USP24: variants seen among roughly 807,000 people sequenced by gnomAD.
USP24 encodes ubiquitin specific peptidase 24.
In USP24, 97 loss-of-function variants were observed where a neutral mutation model predicts 361.6. That is an observed-to-expected ratio of 0.27 (90% CI 0.23 to 0.32). The LOEUF (loss-of-function observed/expected upper bound fraction) is 0.32, where lower values mean the gene tolerates loss of function less well. Among genes scored for constraint, USP24 ranks in the 10% least tolerant of loss-of-function variants. The pLI, the probability that USP24 is intolerant of heterozygous loss-of-function variation, is 1.00. For synonymous variants in USP24, 1,098 were observed against 1,124.6 expected (o/e 0.98, Z 0.47); for missense variants, 2,353 against 3,165.6 (o/e 0.74, Z 6.16).
Position 55,075,661 on chromosome 1 carries a change from AACAACACCACCACC to A in USP24, c.7381-152_7381-139del, listed in dbSNP as rs1184507814. On this transcript the variant is annotated intron_variant, in intron 62 of 67. Coordinates refer to ENST00000294383, the MANE Select transcript of USP24 (RefSeq NM_015306.3). ...CAACAACAACAACAACAACAACAAC[AACAACACCACCACC>A]ACCAATACAGGACGGGCATGGTGGC... is the stretch of plus-strand genomic sequence containing the variant. The A allele has an allele frequency of 2.4e-3, 1,088 of 453,618 alleles. 16 individuals carry two copies. In the African/African-American group the frequency reaches 0.03, roughly 13 times the overall value. The allele number at this position is 453,618 out of a possible 1,614,324, so 28.1% of individuals were successfully genotyped here.
rs1244775812 is a variant in USP24 at position 55,098,361 on chromosome 1, C to A, written c.5453+115G>T. ...TTTAAGTCACTAAATACTTATAGAT[C>A]TGTTGACAGGGAGAGAGTTCTAAGT... On this transcript the variant is annotated intron_variant, in intron 46 of 67. Coordinates refer to ENST00000294383, the MANE Select transcript of USP24 (RefSeq NM_015306.3). 6 of 971,958 alleles carry A rather than the reference C, an allele frequency of 6.2e-6. No individual in the cohort carries two copies. In the African/African-American group the frequency reaches 9.9e-5, roughly 16 times the overall value. 60.2% of individuals were successfully genotyped at this position (971,958 alleles called of 1,614,324 possible).
In USP24 at chr1:55,083,380, G is replaced by A. The variant is rs533113237; in HGVS notation, c.6883-16C>T. 14 of 1,612,044 alleles carry A rather than the reference G, an allele frequency of 8.7e-6. No individual in the cohort carries two copies. In the East Asian group the frequency reaches 2.7e-4, roughly 31 times the overall value. On this transcript the variant is annotated splice_polypyrimidine_tract_variant and intron_variant, in intron 57 of 67. Coordinates refer to ENST00000294383, the MANE Select transcript of USP24 (RefSeq NM_015306.3). ...TAATTCCTTGCTGTCACAAGATATT[G>A]AGAATAACAAATTATATTTCTATCC... is the stretch of plus-strand genomic sequence containing the variant.
rs373696574 is a variant in USP24 at position 55,107,257 on chromosome 1, C to A, written c.4744G>T (p.Ala1582Ser). The A allele has an allele frequency of 5.6e-6, 9 of 1,609,948 alleles. No individual in the cohort carries two copies. In the African/African-American group the frequency reaches 1.1e-4, roughly 19 times the overall value. The change falls in exon 40 of 68, where the codon GCA becomes TCA. Residue 1582 changes from alanine (A) to serine (S), a missense_variant. Ala to Ser is a moderately conservative substitution (Grantham distance 99). This residue lies in a region of USP24 where 949 missense variants were observed against 1,280.5 expected (regional missense o/e 0.74). Coordinates refer to ENST00000294383, the MANE Select transcript of USP24 (RefSeq NM_015306.3). ...LIKTLLSLCG[A>S]EKEMLGSSLI... ...TAATTACCAAGCATTTCCTTTTCTGCCCCACAGAGTGAAAGAAGGGTCTTG... is the reference window on the plus strand; with the variant it reads ...TAATTACCAAGCATTTCCTTTTCTGACCCACAGAGTGAAAGAAGGGTCTTG...
chr1:55,108,967 G>T (rs1317466547), intron 39 of USP24, among the ~76,000 whole-genome samples: 1 of 152,172 alleles, frequency 6.6e-6, no homozygotes, highest in Admixed American at 6.5e-5. Flanking sequence ...CCACTGCATT[G>T]CTCAGAGCAA....
chr1:55,172,502 C>A lies in USP24; in HGVS notation c.577G>T (p.Val193Phe), dbSNP rs1480980029. Residue 193 changes from valine (V) to phenylalanine (F), a missense_variant, in exon 4 of 68, where the codon GTT (valine) becomes TTT (phenylalanine). Physicochemically the swap from Val to Phe is conservative, Grantham distance 50. Transcript: ENST00000294383. The part of the protein sequence containing the change: ...AFKKLLTSSA[V>F]HKWGTEIHEG... ...TGAATTTCAGTACCCCACTTGTGAA[C>A]AGCACTTGATGTCAGGAGCTATAAA... 1 of 1,612,734 alleles carries A rather than the reference C, an allele frequency of 6.2e-7. No homozygotes were observed. The highest frequency in any genetic ancestry group is 1.1e-5 in the South Asian group (1 of 90,872).
chr1:55,138,979 G>A lies in USP24; in HGVS notation c.2782C>T (p.Leu928=), dbSNP rs1392062048. ...STKLVIIERL[L]LLAERYVITI... ...ATCACATAGCGCTCTGCCAGAAGCA[G>A]CAATCTCTCAATTATTACAAGTTTA... The change falls in exon 25 of 68, where the codon CTG becomes TTG. Residue 928 remains leucine (L), a synonymous_variant. Transcript: ENST00000294383. 2 of 1,612,340 alleles carry A rather than the reference G, an allele frequency of 1.2e-6. No individual in the cohort carries two copies. The highest frequency in any genetic ancestry group is 2.2e-5 in the South Asian group (2 of 90,838).
intron 60 of USP24, 144 bp downstream of exon 60, chr1:55,079,394 T>C: frequency 8.5e-7 from 1 of 1,177,180 alleles, no homozygotes; most frequent in South Asian, 1.6e-5. Flanking sequence ...CTTCCACTAA[T>C]TATTTCTTTT....
At chr1:55,069,241 G>A in intron 67 of USP24, 134 bp from the exon 68 acceptor site, 1 of 775,376 alleles carries the variant, frequency 1.3e-6, no homozygotes, top group Non-Finnish European at 2.1e-6. Flanking sequence ...AATAAAATGT[G>A]ATAACTATTA....
intron 1 of USP24, among the ~76,000 whole-genome samples, chr1:55,178,777 G>C (rs996950195): frequency 6.6e-6 from 1 of 152,012 alleles, no homozygotes; most frequent in African/African-American, 2.4e-5. Context: ...TGTAACCCTA[G>C]CACTTTGGGA....
At chr1:55,161,242 C>T (rs569556068) in intron 8 of USP24, among the ~76,000 whole-genome samples, 4 of 151,758 alleles carry the variant, frequency 2.6e-5, no homozygotes, top group South Asian at 2.1e-4. Flanking sequence ...CATGGTGGCA[C>T]GTGCATGTAG....
chr1:55,113,903 C>T (rs549331539), intron 38 of USP24, among the ~76,000 whole-genome samples: 60 of 152,288 alleles, frequency 3.9e-4, no homozygotes, highest in African/African-American at 1.4e-3. Flanking sequence ...ATTGGAAGTT[C>T]TGGCCAGGGC....
chr1:55,147,879 G>GT (rs1647074697), intron 17 of USP24, 81 bp from the exon 18 acceptor site: 21 of 1,452,326 alleles, frequency 1.4e-5, no homozygotes, highest in Non-Finnish European at 1.8e-5. Context: ...GCTATTTAAA[G>GT]ATGTAGTCCT....
intron 38 of USP24, among the ~76,000 whole-genome samples, chr1:55,114,470 T>C (rs898867837): frequency 6.6e-6 from 1 of 152,180 alleles, no homozygotes; most frequent in African/African-American, 2.4e-5. Context: ...GCTGGAGGCA[T>C]CATGCTACCT....
intron 54 of USP24, among the ~76,000 whole-genome samples, chr1:55,090,408 T>C (rs1364702619): frequency 6.6e-6 from 1 of 152,230 alleles, no homozygotes; most frequent in African/African-American, 2.4e-5. Flanking sequence ...GTTAATCCTA[T>C]GCCAGACATT....
At chr1:55,070,129 G>A (rs1644890947) in intron 67 of USP24, among the ~76,000 whole-genome samples, 2 of 152,048 alleles carry the variant, frequency 1.3e-5, no homozygotes, top group South Asian at 2.1e-4. Context: ...GGATGACATG[G>A]GGGTGCTGTG....
chr1:55,152,974 T>C (rs1459185256), intron 16 of USP24, among the ~76,000 whole-genome samples: 2 of 152,230 alleles, frequency 1.3e-5, no homozygotes, highest in Non-Finnish European at 2.9e-5. Flanking sequence ...CCAAGGAATA[T>C]GTTTTACTAA....
At chr1:55,154,589 G>A (rs1647428352) in intron 13 of USP24, 82 bp downstream of exon 13, 1 of 1,446,796 alleles carries the variant, frequency 6.9e-7, no homozygotes, top group Non-Finnish European at 9.5e-7. Context: ...CTGCTAACTG[G>A]TGGGGAGGAG....
chr1:55,140,975 A>G (rs1646872692), intron 24 of USP24, among the ~76,000 whole-genome samples: 1 of 152,216 alleles, frequency 6.6e-6, no homozygotes, highest in South Asian at 2.1e-4. Context: ...TCAATATCTG[A>G]AAACTCAAAA....
chr1:55,137,957 AAAC>A, intron 26 of USP24, 53 bp from the exon 27 acceptor site: 1 of 1,513,650 alleles, frequency 6.6e-7, no homozygotes, highest in Non-Finnish European at 9.0e-7. Flanking sequence ...TTATTCATTT[AAAC>A]AACTGTGAGT....
Sources: allele counts gnomAD v4.1 joint callset (sites outside exome capture counted in the v4.1 genomes callset), GRCh38; gene constraint gnomAD v4.1.1; regional missense constraint gnomAD v4.1.1; transcripts MANE v1.5; gene names NCBI Gene and HGNC (gene_info 2026-07-23, HGNC 2026-07-21).